Variants in STXBP6 observed in about 807,000 individuals in gnomAD.
The protein encoded by STXBP6 is syntaxin binding protein 6.
STXBP6 carries 21 observed loss-of-function variants against 26.9 expected under a neutral mutation model. The observed-to-expected ratio is 0.78, with a 90% CI of 0.55 to 1.12. The LOEUF is 1.12. Among genes scored for constraint, STXBP6 ranks in the 50% most tolerant of loss-of-function variants. The pLI, the probability that STXBP6 is intolerant of heterozygous loss-of-function variation, is 0.00. For synonymous variants in STXBP6, 97 were observed against 92.6 expected (o/e 1.05, Z -0.27); for missense variants, 232 against 257.9 (o/e 0.90, Z 0.69).
chr14:24,898,924 C>G (rs1031966994), intron 2 of STXBP6, among the ~76,000 whole-genome samples: 1 of 152,174 alleles, frequency 6.6e-6, no homozygotes, highest in African/African-American at 2.4e-5. Flanking sequence ...AATTTCTATA[C>G]TCAGAGGCAT....
rs373068735 is a variant in STXBP6, at chr14:24,810,865, C to CTCTGTGTGTGTGTGTGTG, written c.*1843_*1844insCACACACACACACACAGA. On this transcript the variant is annotated 3_prime_UTR_variant, in exon 6 of 6. Transcript: ENST00000323944. ...CCAATTTGGAAAGATAAATACATCTCTGTGTGTGTGTGTGTGTGTGTGTGT... is the reference window on the plus strand; with the variant it reads ...CCAATTTGGAAAGATAAATACATCTCTCTGTGTGTGTGTGTGTGTGTGTGTGTGTGTGTGTGTGTGTGT... 4.4e-4 allele frequency: 61 copies of CTCTGTGTGTGTGTGTGTG among 137,666 alleles called. 1 individual carries two copies. The East Asian group carries it at 6.5e-3, about 15-fold the overall frequency. 8.5% of individuals were successfully genotyped at this position (137,666 alleles called of 1,614,324 possible). A position where few individuals can be genotyped will look rare whatever the true frequency, so the allele number is the denominator to read the frequency against.
intron 2 of STXBP6, among the ~76,000 whole-genome samples, chr14:24,860,639 A>G (rs1452863404): frequency 6.6e-6 from 1 of 152,184 alleles, no homozygotes; most frequent in Non-Finnish European, 1.5e-5. Flanking sequence ...CAATCAGTAT[A>G]TACCACCTGT....
At chr14:24,837,191 A>G (rs2068644598) in intron 4 of STXBP6, among the ~76,000 whole-genome samples, 1 of 152,214 alleles carries the variant, frequency 6.6e-6, no homozygotes, top group Non-Finnish European at 1.5e-5. Context: ...GGATGAAAGA[A>G]AATAGGACAA....
intron 2 of STXBP6, among the ~76,000 whole-genome samples, chr14:24,955,861 T>C (rs2073327253): frequency 6.6e-6 from 1 of 152,170 alleles, no homozygotes; most frequent in African/African-American, 2.4e-5. Context: ...GCTTCATATA[T>C]GCAGCATTAC....
chr14:24,828,589 C>T (rs1013317320), intron 4 of STXBP6, among the ~76,000 whole-genome samples: 1 of 152,020 alleles, frequency 6.6e-6, no homozygotes, highest in African/African-American at 2.4e-5. Flanking sequence ...TACGAGTAAG[C>T]CAAAGAATTT....
At chr14:24,980,385 G>A (rs1230309283) in intron 1 of STXBP6, among the ~76,000 whole-genome samples, 1 of 152,168 alleles carries the variant, frequency 6.6e-6, no homozygotes, top group African/African-American at 2.4e-5. Context: ...GAAAGCTTTA[G>A]TCTTTCCATG....
chr14:24,993,391 T>A (rs1174104398), intron 1 of STXBP6, among the ~76,000 whole-genome samples: 1 of 152,152 alleles, frequency 6.6e-6, no homozygotes, highest in Non-Finnish European at 1.5e-5. Flanking sequence ...AATTACCAAT[T>A]CTGTTCAACT....
intron 1 of STXBP6, among the ~76,000 whole-genome samples, chr14:25,030,588 A>AT (rs1318602546): frequency 2.6e-5 from 4 of 152,210 alleles, no homozygotes; most frequent in Non-Finnish European, 5.9e-5. Context: ...AGGAGAACTG[A>AT]TTTTAAACAG....
chr14:24,812,763 A>T, intron 5 of STXBP6, 31 bp from the exon 6 acceptor site: 1 of 1,612,334 alleles, frequency 6.2e-7, no homozygotes, highest in East Asian at 2.2e-5. Flanking sequence ...GAAAAGTAAG[A>T]CTTTATTAGC....
intron 4 of STXBP6, among the ~76,000 whole-genome samples, chr14:24,845,418 A>G (rs1422579080): frequency 6.6e-6 from 1 of 152,214 alleles, no homozygotes. Context: ...AGGTAGAAGT[A>G]TACCAGCTGC....
intron 2 of STXBP6, among the ~76,000 whole-genome samples, chr14:24,898,745 T>C (rs1249019987): frequency 6.6e-6 from 1 of 152,158 alleles, no homozygotes; most frequent in African/African-American, 2.4e-5. Context: ...CAGCCACTCA[T>C]ATGAAGGAAA....
intron 2 of STXBP6, among the ~76,000 whole-genome samples, chr14:24,886,739 T>C (rs2070602205): frequency 1.3e-5 from 2 of 152,234 alleles, no homozygotes; most frequent in Admixed American, 6.5e-5. Context: ...TATCACATTA[T>C]TCTTGTGCCA....
At chr14:24,896,318 T>C (rs1282577618) in intron 2 of STXBP6, among the ~76,000 whole-genome samples, 2 of 150,730 alleles carry the variant, frequency 1.3e-5, no homozygotes, top group African/African-American at 2.4e-5. Flanking sequence ...TATATATATA[T>C]GCCACAATTC....
chr14:25,022,905 C>T (rs2075285297), intron 1 of STXBP6, among the ~76,000 whole-genome samples: 2 of 152,200 alleles, frequency 1.3e-5, no homozygotes, highest in Admixed American at 6.5e-5. Flanking sequence ...TGTTCCTACA[C>T]CTCACCCCTC....
intron 2 of STXBP6, among the ~76,000 whole-genome samples, chr14:24,973,513 G>A (rs1274831993): frequency 1.3e-5 from 2 of 150,864 alleles, no homozygotes; most frequent in East Asian, 4.0e-4. Context: ...AGCCGCCTGA[G>A]TAGCTGGGAG....
chr14:24,893,433 A>G (rs921142613), intron 2 of STXBP6, among the ~76,000 whole-genome samples: 5 of 152,236 alleles, frequency 3.3e-5, no homozygotes, highest in Non-Finnish European at 4.4e-5. Context: ...AACAGAGATC[A>G]GAGCTTTGGC....
chr14:25,009,948 T>G (rs936943670), intron 1 of STXBP6, among the ~76,000 whole-genome samples: 4 of 152,170 alleles, frequency 2.6e-5, no homozygotes, highest in Non-Finnish European at 5.9e-5. Context: ...GTTTTTTCAC[T>G]AAAACACCTA....
intron 4 of STXBP6, among the ~76,000 whole-genome samples, chr14:24,832,396 G>C (rs1391564484): frequency 2.6e-5 from 4 of 152,138 alleles, no homozygotes; most frequent in Non-Finnish European, 5.9e-5. Context: ...TCACCTCATA[G>C]ACAGATTGGG....
In STXBP6 at chr14:24,868,248, A is replaced by G. The variant is rs116263752; in HGVS notation, c.155-11091T>C. On this transcript the variant is annotated intron_variant, in intron 2 of 5. Coordinates refer to ENST00000323944, the MANE Select transcript of STXBP6 (RefSeq NM_001394410.1). ...TTGTATCAAGAATATACATTTAGAA[A>G]CTCTCAAAACTCAACAAAAGAAAGC... Among the ~76,000 whole-genome samples the G allele has an allele frequency of 2.7e-3, 417 of 152,200 alleles. 2 individuals carry two copies. Among genetic ancestry groups the G allele is most frequent in the African/African-American group, 9.5e-3 (395 of 41,526 alleles).
Sources: allele counts gnomAD v4.1 joint callset (sites outside exome capture counted in the v4.1 genomes callset), GRCh38; gene constraint gnomAD v4.1.1; transcripts MANE v1.5; gene names NCBI Gene and HGNC (gene_info 2026-07-23, HGNC 2026-07-21).